APPL2: variants seen among roughly 807,000 people sequenced by gnomAD.
The protein encoded by APPL2 is adaptor protein, phosphotyrosine interacting with PH domain and leucine zipper 2.
A neutral mutation model predicts 92.7 loss-of-function variants in APPL2; 84 were observed. The ratio of observed to expected loss-of-function variants is 0.91; its 90% CI spans 0.76 to 1.09. The LOEUF (loss-of-function observed/expected upper bound fraction) is 1.09, where lower values mean the gene tolerates loss of function less well. Ranked by LOEUF, APPL2 falls within the 50% of genes least tolerant of loss-of-function variation. The pLI, the probability that APPL2 is intolerant of heterozygous loss-of-function variation, is 0.00. For synonymous variants in APPL2, 291 were observed against 291.0 expected (o/e 1.00, Z 0.00); for missense variants, 736 against 824.5 (o/e 0.89, Z 1.31).
At chr12:105,189,685 C>G (rs1887025519) in intron 16 of APPL2, 87 bp downstream of exon 16, 2 of 1,397,416 alleles carry the variant, frequency 1.4e-6, no homozygotes, top group Non-Finnish European at 1.0e-6. Context: ...AATCATAGCT[C>G]TCTAAAACAT....
intron 17 of APPL2, among the ~76,000 whole-genome samples, chr12:105,185,973 T>G (rs1453468533): frequency 6.6e-6 from 1 of 151,894 alleles, no homozygotes; most frequent in African/African-American, 2.4e-5. Context: ...TAGTCTGTCT[T>G]CTGTCTCTAT....
chr12:105,208,437 A>G (rs1444817865), intron 5 of APPL2, among the ~76,000 whole-genome samples: 1 of 152,112 alleles, frequency 6.6e-6, no homozygotes, highest in Non-Finnish European at 1.5e-5. Context: ...GCCTCTCCAC[A>G]TAGCGCTGAG....
chr12:105,199,526 T>C lies in APPL2; in HGVS notation c.710A>G (p.Gln237Arg), dbSNP rs370041244. 1.4e-4 allele frequency: 219 copies of C among 1,613,396 alleles called. No homozygotes were observed. The highest frequency in any genetic ancestry group is 1.8e-4 in the Non-Finnish European group (209 of 1,179,818). ...TTCCGCCTCGGCTTCCAGTTCTACC[T>C]GAATGCTTAAGACAGAAGGTGTTGG... ...SSVADMVQSIQVELEAEAEKM... is the reference protein window; with the variant it reads ...SSVADMVQSIRVELEAEAEKM... The change falls in exon 10 of 21, where the codon CAG (glutamine) becomes CGG (arginine). Residue 237 changes from glutamine (Q) to arginine (R), a missense_variant. By Grantham distance (43) the Gln-to-Arg change is conservative. Coordinates refer to ENST00000258530, the MANE Select transcript of APPL2 (RefSeq NM_018171.5).
intron 17 of APPL2, among the ~76,000 whole-genome samples, chr12:105,187,969 GAAAA>G (rs796542192): frequency 7.3e-6 from 1 of 137,920 alleles, no homozygotes; most frequent in Non-Finnish European, 1.6e-5. Context: ...TCTCAGAAAT[GAAAA>G]AAAAAAAGCA....
chr12:105,195,533 C>G, intron 12 of APPL2, 32 bp from the exon 13 acceptor site: 1 of 1,614,162 alleles, frequency 6.2e-7, no homozygotes, highest in African/African-American at 1.3e-5. Flanking sequence ...AACACTGAAT[C>G]CCAAAGTCAC....
intron 8 of APPL2, among the ~76,000 whole-genome samples, chr12:105,204,640 C>A (rs1888545067): frequency 6.6e-6 from 1 of 152,146 alleles, no homozygotes; most frequent in African/African-American, 2.4e-5. Flanking sequence ...GAGTATTAAT[C>A]ATTTAATATC....
Position 105,179,049 on chromosome 12 carries a change from A to G in APPL2, c.1635-1787T>C, listed in dbSNP as rs117266381. On this transcript the variant is annotated intron_variant, in intron 17 of 20. Transcript: ENST00000258530. ...TGTGCAGAACGTGCAGGTTTGTTAC[A>G]TAGGTATACATGTTGCTGTGGTGGT... is the stretch of plus-strand genomic sequence containing the variant. Among the ~76,000 whole-genome samples the G allele has an allele frequency of 3.7e-3, 569 of 152,272 alleles. 17 individuals carry two copies. The East Asian group carries it at 0.072, about 19-fold the overall frequency.
chr12:105,220,009 A>C (rs1889975887), intron 2 of APPL2, among the ~76,000 whole-genome samples: 1 of 152,240 alleles, frequency 6.6e-6, no homozygotes, highest in Non-Finnish European at 1.5e-5. Context: ...ATCTAATTCC[A>C]ATGACCCTGT....
chr12:105,189,698 T>C, intron 16 of APPL2, 74 bp downstream of exon 16: 1 of 1,476,498 alleles, frequency 6.8e-7, no homozygotes, highest in Non-Finnish European at 9.5e-7. Flanking sequence ...TAAAACATGA[T>C]TTCACATCTT....
rs1409692467 is a variant in APPL2, at chr12:105,199,476, A to G, written c.760T>C (p.Leu254=). ...AEKMRVSQQE[L]LSVDESVYTP... ...TAAACAGATTCATCAACAGAAAGTA[A>G]TTCTTGCTGGGACACCCGCATCTTT... Residue 254 remains leucine (L), a synonymous_variant, in exon 10 of 21, where the codon TTA becomes CTA. Coordinates refer to ENST00000258530, the MANE Select transcript of APPL2 (RefSeq NM_018171.5). The G allele has an allele frequency of 1.2e-6, 2 of 1,613,986 alleles. No individual in the cohort carries two copies. The highest frequency in any genetic ancestry group is 8.5e-7 in the Non-Finnish European group (1 of 1,180,032).
chr12:105,174,766 T>C (rs991025814), intron 20 of APPL2, among the ~76,000 whole-genome samples: 1 of 152,102 alleles, frequency 6.6e-6, no homozygotes, highest in Non-Finnish European at 1.5e-5. Flanking sequence ...GTTTAATCTA[T>C]ACCAGAAGTT....
chr12:105,230,028 C>T (rs578024940), intron 1 of APPL2, among the ~76,000 whole-genome samples: 1 of 152,252 alleles, frequency 6.6e-6, no homozygotes, highest in African/African-American at 2.4e-5. Context: ...GATCCACCCA[C>T]CATGGCCTCC....
rs529696887 is a variant in APPL2 at position 105,195,007 on chromosome 12, T to A, written c.1241+254A>T. ...GACCCTCCATGCACGTCCTGTTTGC[T>A]TGGACTGCAGCAGCATGGTCCAGTG... is the stretch of plus-strand genomic sequence containing the variant. On this transcript the variant is annotated intron_variant, in intron 14 of 20. Coordinates refer to ENST00000258530, the MANE Select transcript of APPL2 (RefSeq NM_018171.5). 4.9e-3 allele frequency among the ~76,000 whole-genome samples: 754 copies of A among 152,330 alleles called. 3 individuals are homozygous for A. The highest frequency in any genetic ancestry group is 0.017 in the African/African-American group (696 of 41,564).
intron 4 of APPL2, 35 bp from the exon 5 acceptor site, chr12:105,211,352 A>G: frequency 7.1e-7 from 1 of 1,401,586 alleles, no homozygotes. Flanking sequence ...AGTAAATTAA[A>G]TACATTATTA....
At chr12:105,199,616 C>A in intron 9 of APPL2, 85 bp from the exon 10 acceptor site, 1 of 1,453,690 alleles carries the variant, frequency 6.9e-7, no homozygotes, top group Non-Finnish European at 9.3e-7. Flanking sequence ...TCACTCCACC[C>A]CCGCAAAGCT....
At chr12:105,188,142 G>T in intron 17 of APPL2, 131 bp downstream of exon 17, 1 of 1,014,852 alleles carries the variant, frequency 9.9e-7, no homozygotes, top group Non-Finnish European at 1.4e-6. Context: ...TCTATCTTAT[G>T]TAAAAAGTAG....
At chr12:105,211,686 T>G (rs114065610) in intron 4 of APPL2, among the ~76,000 whole-genome samples, 1,925 of 152,280 alleles carry the variant, frequency 0.013, 48 homozygotes, top group African/African-American at 0.045. Context: ...AGTGCTGTCA[T>G]GGCTCAGGAC....
intron 17 of APPL2, 33 bp from the exon 18 acceptor site, chr12:105,177,295 T>A (rs749806205): frequency 1.1e-5 from 17 of 1,598,214 alleles, no homozygotes; most frequent in Non-Finnish European, 1.4e-5. Context: ...ATGTCACAAA[T>A]GTTGGATAAA....
At chr12:105,233,021 C>T (rs977323100) in intron 1 of APPL2, 1 of 897,556 alleles carries the variant, frequency 1.1e-6, no homozygotes, top group African/African-American at 1.8e-5. Context: ...GCAAAAGAAA[C>T]AAACAAAACA....
Sources: gnomAD v4.1 joint callset for allele counts (sites outside exome capture counted in the v4.1 genomes callset) on GRCh38, gnomAD v4.1.1 for gene constraint, MANE v1.5 for transcripts, NCBI Gene and HGNC (gene_info 2026-07-23, HGNC 2026-07-21) for gene names.